LMAN1: variants seen among roughly 807,000 people sequenced by gnomAD.
LMAN1 encodes the protein lectin, mannose binding 1.
LMAN1 carries 32 observed loss-of-function variants against 67.8 expected under a neutral mutation model. That is an observed-to-expected ratio of 0.47 (90% CI 0.36 to 0.63). The LOEUF (loss-of-function observed/expected upper bound fraction) is 0.63. Ranked by LOEUF, LMAN1 falls within the 30% of genes least tolerant of loss-of-function variation. The probability of loss-of-function intolerance (pLI) is 0.00; values close to 1 mark genes in which losing one functional copy is unlikely to be tolerated. For missense variants in LMAN1, 632 were observed against 628.2 expected, an observed-to-expected ratio of 1.01 and a Z score of -0.06; for synonymous variants, 235 against 219.3, an observed-to-expected ratio of 1.07 and a Z score of -0.63.
intron 10 of LMAN1, among the ~76,000 whole-genome samples, chr18:59,337,896 C>T (rs909686424): frequency 6.6e-6 from 1 of 152,158 alleles, no homozygotes; most frequent in African/African-American, 2.4e-5. Context: ...AGGGTTCTAT[C>T]GGTTGGGACA....
intron 3 of LMAN1, 81 bp downstream of exon 3, chr18:59,355,232 T>C (rs1019868483): frequency 1.4e-5 from 15 of 1,039,170 alleles, no homozygotes; most frequent in Middle Eastern, 2.0e-4. Context: ...GATGAAAGCA[T>C]TGAATAAGCT....
intron 11 of LMAN1, among the ~76,000 whole-genome samples, chr18:59,331,880 G>C (rs1421169875): frequency 6.6e-6 from 1 of 152,152 alleles, no homozygotes; most frequent in East Asian, 1.9e-4. Flanking sequence ...GCTTGCTGTA[G>C]TGGTGTGATT....
intron 10 of LMAN1, among the ~76,000 whole-genome samples, chr18:59,335,125 A>G (rs948691175): frequency 6.6e-6 from 1 of 152,194 alleles, no homozygotes; most frequent in Non-Finnish European, 1.5e-5. Flanking sequence ...CCGTCACATA[A>G]GAAAGAAAGG....
rs746600380 is a variant in LMAN1, at chr18:59,359,023, C to A, written c.214+8G>T. On this transcript the variant is annotated splice_region_variant and intron_variant, in intron 1 of 12. Coordinates refer to ENST00000251047, the MANE Select transcript of LMAN1 (RefSeq NM_005570.4). ...GAACCCGGCCCCCAGCCCTCTGCTC[C>A]GGCTTACTCCCCGCGTGGGCCCAGA... 1.2e-6 allele frequency: 2 copies of A among 1,613,358 alleles called. No individual in the cohort carries two copies. Among genetic ancestry groups the A allele is most frequent in the African/African-American group, 1.3e-5 (1 of 74,908 alleles).
At chr18:59,339,015 C>CGTGG in intron 8 of LMAN1, 62 bp from the exon 9 acceptor site, 1 of 1,447,008 alleles carries the variant, frequency 6.9e-7, no homozygotes, top group Non-Finnish European at 9.6e-7. Flanking sequence ...TTTGAAATAA[C>CGTGG]GTAAGTGACC....
intron 8 of LMAN1, among the ~76,000 whole-genome samples, chr18:59,341,120 A>AT (rs1908277910): frequency 6.6e-6 from 1 of 152,232 alleles, no homozygotes; most frequent in South Asian, 2.1e-4. Context: ...AAAGAAGGTT[A>AT]TTATATAATG....
At position 59,330,838 on chromosome 18, in the gene LMAN1, G is replaced by C. The variant is rs2070743115; in HGVS notation, c.*255C>G. 2.1e-6 allele frequency: 1 copy of C among 478,560 alleles called. No homozygotes were observed. Among genetic ancestry groups the C allele is most frequent in the Admixed American group, 3.7e-5 (1 of 26,764 alleles). 29.6% of individuals were successfully genotyped at this position (478,560 alleles called of 1,614,324 possible). ...CCCCACTTTATTTACCCTCTTACTG[G>C]TCAATATTCTGCTCAGAGGCTGCAT... On this transcript the variant is annotated 3_prime_UTR_variant, in exon 13 of 13. Coordinates refer to ENST00000251047, the MANE Select transcript of LMAN1 (RefSeq NM_005570.4).
intron 10 of LMAN1, among the ~76,000 whole-genome samples, chr18:59,335,122 A>G (rs936245744): frequency 1.3e-5 from 2 of 152,200 alleles, no homozygotes; most frequent in African/African-American, 4.8e-5. Context: ...TACCCGTCAC[A>G]TAAGAAAGAA....
chr18:59,347,536 A>G lies in LMAN1; in HGVS notation c.799T>C (p.Leu267=), dbSNP rs1908445938. Residue 267 remains leucine, a synonymous_variant, in exon 7 of 13, where the codon TTG becomes CTG. Coordinates refer to ENST00000251047, the MANE Select transcript of LMAN1 (RefSeq NM_005570.4). ...HDVLSFLTFQ[L]TEPGKEPPTP... is the part of the protein sequence containing the mutation. ...ACCGGCTCTTTTCCAGGTTCAGTCA[A>G]CTGGAAAGTCAGAAAAGAAAGGACA... 1 of 1,611,452 alleles carries G rather than the reference A, an allele frequency of 6.2e-7. No individual in the cohort carries two copies. The highest frequency in any genetic ancestry group is 1.7e-5 in the Admixed American group (1 of 59,850).
At chr18:59,332,409 GAGACAAGATT>G (rs2070753037) in intron 11 of LMAN1, among the ~76,000 whole-genome samples, 1 of 152,054 alleles carries the variant, frequency 6.6e-6, no homozygotes, top group African/African-American at 2.4e-5. Flanking sequence ...AAATATAAAG[GAGACAAGATT>G]AGAAGCTGAA....
chr18:59,330,673 T>A lies in LMAN1; in HGVS notation c.*420A>T, dbSNP rs1397712899. ...AGGAAGTCTGACCTCTAAAAAAGAC[T>A]TTGGTTACAAAATAAACCTGATGGG... is the stretch of plus-strand genomic sequence containing the variant. On this transcript the variant is annotated 3_prime_UTR_variant, in exon 13 of 13. Coordinates refer to ENST00000251047, the MANE Select transcript of LMAN1 (RefSeq NM_005570.4). The A allele has an allele frequency of 6.2e-6, 1 of 160,322 alleles. No individual in the cohort carries two copies. The highest frequency in any genetic ancestry group is 1.4e-5 in the Non-Finnish European group (1 of 73,110). 9.9% of individuals were successfully genotyped at this position (160,322 alleles called of 1,614,324 possible). A position where few individuals can be genotyped will look rare whatever the true frequency, so the allele number is the denominator to read the frequency against.
chr18:59,354,701 T>A (rs921514195), intron 3 of LMAN1, 121 bp from the exon 4 acceptor site: 2 of 562,310 alleles, frequency 3.6e-6, no homozygotes, highest in Non-Finnish European at 6.3e-6. Flanking sequence ...TAAAATAACC[T>A]GGCCTTGGCA....
chr18:59,349,880 T>C (rs1186535213), intron 5 of LMAN1, among the ~76,000 whole-genome samples: 1 of 152,238 alleles, frequency 6.6e-6, no homozygotes, highest in Non-Finnish European at 1.5e-5. Flanking sequence ...ACATGAATGC[T>C]TTTCTCATTA....
chr18:59,346,541 G>A (rs1375993754), intron 7 of LMAN1, among the ~76,000 whole-genome samples: 1 of 142,110 alleles, frequency 7.0e-6, no homozygotes, highest in Non-Finnish European at 1.5e-5. Context: ...TCTTTTTTGA[G>A]ATGGACTCTT....
At chr18:59,353,063 C>A in intron 5 of LMAN1, 139 bp downstream of exon 5, 1 of 748,422 alleles carries the variant, frequency 1.3e-6, no homozygotes, top group Non-Finnish European at 2.3e-6. Flanking sequence ...GTGAAGCCAC[C>A]TCCGTTCTCT....
intron 3 of LMAN1, 34 bp from the exon 4 acceptor site, chr18:59,354,614 TTAATC>T (rs1467004895): frequency 9.3e-7 from 1 of 1,079,282 alleles, no homozygotes; most frequent in Non-Finnish European, 1.4e-6. Flanking sequence ...AAAAATGTCT[TTAATC>T]AAAGCATTCT....
intron 10 of LMAN1, among the ~76,000 whole-genome samples, chr18:59,334,922 T>G (rs1265900049): frequency 6.6e-6 from 1 of 152,174 alleles, no homozygotes; most frequent in African/African-American, 2.4e-5. Flanking sequence ...TTATATTAAC[T>G]TACTGTATGC....
intron 5 of LMAN1, 165 bp downstream of exon 5, chr18:59,353,037 C>T (rs930848336): frequency 1.5e-6 from 1 of 645,348 alleles, no homozygotes; most frequent in African/African-American, 1.8e-5. Flanking sequence ...CAACAGATGA[C>T]CACTTACACT....
chr18:59,350,299 G>T (rs1473383622), intron 5 of LMAN1, among the ~76,000 whole-genome samples: 1 of 151,936 alleles, frequency 6.6e-6, no homozygotes, highest in Non-Finnish European at 1.5e-5. Context: ...TTTACAACTG[G>T]TCCTCCTCCA....
Sources: allele counts gnomAD v4.1 joint callset (sites outside exome capture counted in the v4.1 genomes callset), GRCh38; gene constraint gnomAD v4.1.1; transcripts MANE v1.5; gene names NCBI Gene and HGNC (gene_info 2026-07-23, HGNC 2026-07-21).